DNAH14: variants seen among roughly 807,000 people sequenced by gnomAD.
DNAH14 encodes the protein dynein axonemal heavy chain 14.
Under a neutral mutation model 520.9 loss-of-function variants are expected in DNAH14, and 478 were observed. That is an observed-to-expected ratio of 0.92 (90% CI 0.85 to 0.99). The LOEUF (loss-of-function observed/expected upper bound fraction) is 0.99. DNAH14 is among the 50% of genes least tolerant of loss of function. DNAH14 has a pLI of 0.00. For missense variants in DNAH14, 4,831 were observed against 5,234.5 expected (o/e 0.92, Z 2.38); for synonymous variants, 1,581 against 1,757.2 (o/e 0.90, Z 2.51).
chr1:225,151,456 C>G (rs957936862), intron 31 of DNAH14, among the ~76,000 whole-genome samples: 2 of 152,110 alleles, frequency 1.3e-5, no homozygotes, highest in African/African-American at 4.8e-5. Context: ...TTTTCACCAC[C>G]CTCTTTGGTA....
intron 23 of DNAH14, among the ~76,000 whole-genome samples, chr1:225,111,702 T>TCTTC (rs1400738131): frequency 1.6e-4 from 25 of 152,052 alleles, no homozygotes; most frequent in Non-Finnish European, 2.6e-4. Flanking sequence ...TGTGGTCTTC[T>TCTTC]CTTCCTTCTT....
intron 74 of DNAH14, among the ~76,000 whole-genome samples, chr1:225,360,372 AT>A (rs1271676822): frequency 2.0e-4 from 30 of 152,242 alleles, no homozygotes; most frequent in African/African-American, 7.2e-4. Flanking sequence ...AAAATGTAGT[AT>A]TTTAGCTGAG....
chr1:225,125,399 A>G (rs764809663), intron 27 of DNAH14, among the ~76,000 whole-genome samples: 1 of 152,182 alleles, frequency 6.6e-6, no homozygotes, highest in Non-Finnish European at 1.5e-5. Context: ...ACTTTCATCA[A>G]TTATGTTAAC....
intron 1 of DNAH14, among the ~76,000 whole-genome samples, chr1:224,942,105 G>C (rs1002133919): frequency 4.6e-5 from 7 of 152,040 alleles, no homozygotes; most frequent in African/African-American, 1.2e-4. Flanking sequence ...GGGCAGTATG[G>C]CCATTTTCAC....
At chr1:225,005,138 C>T (rs1229037278) in intron 9 of DNAH14, among the ~76,000 whole-genome samples, 1 of 152,048 alleles carries the variant, frequency 6.6e-6, no homozygotes, top group Non-Finnish European at 1.5e-5. Context: ...GAGAGATTGC[C>T]ACTTATCCAA....
At chr1:224,962,193 A>G (rs2060888983) in intron 4 of DNAH14, among the ~76,000 whole-genome samples, 1 of 152,140 alleles carries the variant, frequency 6.6e-6, no homozygotes, top group Non-Finnish European at 1.5e-5. Context: ...TGCTTTGTAT[A>G]ATTGCCTCCC....
chr1:225,030,744 CT>C (rs1436837616), intron 11 of DNAH14, among the ~76,000 whole-genome samples: 1 of 151,928 alleles, frequency 6.6e-6, no homozygotes, highest in Non-Finnish European at 1.5e-5. Flanking sequence ...TGAATCTGTC[CT>C]TCCACCAATA....
intron 9 of DNAH14, among the ~76,000 whole-genome samples, chr1:225,005,264 C>T (rs749581812): frequency 3.6e-4 from 55 of 152,234 alleles, no homozygotes; most frequent in Non-Finnish European, 6.8e-4. Flanking sequence ...GTGTCCCACT[C>T]CTTTTGCAAG....
intron 60 of DNAH14, among the ~76,000 whole-genome samples, chr1:225,316,044 C>T (rs2094461897): frequency 6.6e-6 from 1 of 152,194 alleles, no homozygotes; most frequent in African/African-American, 2.4e-5. Flanking sequence ...TCAGAGATGC[C>T]CTGCCCAGAC....
At chr1:224,930,761 C>A (rs1472318927) in intron 1 of DNAH14, among the ~76,000 whole-genome samples, 3 of 152,278 alleles carry the variant, frequency 2.0e-5, no homozygotes, top group East Asian at 3.9e-4. Context: ...CCATGCCCGG[C>A]TAATTTTTTT....
chr1:225,097,001 ATTAT>A, intron 21 of DNAH14, 113 bp from the exon 22 acceptor site: 1 of 879,290 alleles, frequency 1.1e-6, no homozygotes, highest in Admixed American at 3.3e-5. Flanking sequence ...CTTTCTATTA[ATTAT>A]TTTCTGTATG....
chr1:225,314,354 G>A (rs952793183), intron 60 of DNAH14, among the ~76,000 whole-genome samples: 2 of 152,176 alleles, frequency 1.3e-5, no homozygotes, highest in Admixed American at 6.5e-5. Context: ...TGGGTCTCCT[G>A]AATACAGCAC....
intron 66 of DNAH14, among the ~76,000 whole-genome samples, chr1:225,334,954 C>G (rs1191559506): frequency 2.7e-5 from 4 of 147,478 alleles, no homozygotes; most frequent in Admixed American, 6.7e-5. Context: ...ATGTAGAGAC[C>G]TCAAGCAATC....
At chr1:225,062,556 A>G (rs899849803) in intron 17 of DNAH14, among the ~76,000 whole-genome samples, 4 of 152,190 alleles carry the variant, frequency 2.6e-5, no homozygotes, top group Non-Finnish European at 5.9e-5. Context: ...TGAAGAAAAA[A>G]AAAGCCCCAG....
chr1:225,254,047 G>T (rs2092651125), intron 44 of DNAH14, among the ~76,000 whole-genome samples: 1 of 152,086 alleles, frequency 6.6e-6, no homozygotes, highest in Non-Finnish European at 1.5e-5. Flanking sequence ...AAAAAGAAAG[G>T]AATGTACACA....
chr1:225,145,500 AC>A, intron 30 of DNAH14, 121 bp downstream of exon 30: 2 of 743,768 alleles, frequency 2.7e-6, no homozygotes, highest in Non-Finnish European at 4.0e-6. Flanking sequence ...TATTAACAGA[AC>A]TTTAAATGCT....
At chr1:225,092,959 A>G (rs2074538014) in intron 21 of DNAH14, among the ~76,000 whole-genome samples, 1 of 152,098 alleles carries the variant, frequency 6.6e-6, no homozygotes, top group South Asian at 2.1e-4. Context: ...TACAACCTCC[A>G]AAGACTGATC....
At chr1:225,020,093 A>C (rs1381130772) in intron 10 of DNAH14, among the ~76,000 whole-genome samples, 1 of 152,146 alleles carries the variant, frequency 6.6e-6, no homozygotes, top group East Asian at 1.9e-4. Flanking sequence ...AAGATTAAAC[A>C]AGTTTGATAG....
intron 53 of DNAH14, among the ~76,000 whole-genome samples, chr1:225,277,195 C>A (rs2093506048): frequency 6.6e-6 from 1 of 151,746 alleles, no homozygotes; most frequent in African/African-American, 2.4e-5. Context: ...TCTACCACCA[C>A]CCTTCTAATC....
Sources: allele counts gnomAD v4.1 joint callset (sites outside exome capture counted in the v4.1 genomes callset), GRCh38; gene constraint gnomAD v4.1.1; transcripts MANE v1.5; gene names NCBI Gene and HGNC (gene_info 2026-07-23, HGNC 2026-07-21).